STS: variants seen among roughly 807,000 people sequenced by gnomAD.
STS encodes steryl-sulfatase.
In STS, 7 loss-of-function variants were observed where a neutral mutation model predicts 26.8. That is an observed-to-expected ratio of 0.26 (90% CI 0.15 to 0.49). The LOEUF (loss-of-function observed/expected upper bound fraction) is 0.49, where lower values mean the gene tolerates loss of function less well. STS is among the 20% of genes least tolerant of loss of function. The probability of loss-of-function intolerance (pLI) is 0.98; values close to 1 mark genes in which losing one functional copy is unlikely to be tolerated. For missense variants in STS, 434 were observed against 465.6 expected (o/e 0.93, Z 0.63); for synonymous variants, 199 against 189.4 (o/e 1.05, Z -0.42).
intron 1 of STS, among the ~76,000 whole-genome samples, chrX:7,149,596 G>C (rs1369729250): frequency 4.5e-5 from 5 of 111,969 alleles, no homozygotes; most frequent in Non-Finnish European, 9.4e-5. Context: ...ACAGTCGTTC[G>C]TGGTTTCTGT....
chrX:7,278,544 G>A (rs1924649974), intron 7 of STS, among the ~76,000 whole-genome samples: 1 of 111,954 alleles, frequency 8.9e-6, no homozygotes, highest in African/African-American at 3.3e-5. Context: ...TTATGTAACT[G>A]TACACCAGTT....
intron 2 of STS, among the ~76,000 whole-genome samples, chrX:7,222,981 A>T (rs1309376767): frequency 8.9e-6 from 1 of 111,807 alleles, no homozygotes; most frequent in South Asian, 3.6e-4. Context: ...TTTAGCACCC[A>T]CTTATAAGTG....
chrX:7,173,753 G>A (rs1933513382), intron 1 of STS, among the ~76,000 whole-genome samples: 1 of 111,966 alleles, frequency 8.9e-6, no homozygotes, highest in Admixed American at 9.5e-5. Flanking sequence ...TGACAAATGT[G>A]CATTCATGTC....
intron 8 of STS, among the ~76,000 whole-genome samples, chrX:7,320,014 T>TTA (rs1320877104): frequency 1.1e-5 from 1 of 87,772 alleles, no homozygotes; most frequent in African/African-American, 4.2e-5. Flanking sequence ...ATATATATAT[T>TTA]TATATATATT....
intron 2 of STS, among the ~76,000 whole-genome samples, chrX:7,245,342 G>A (rs1332147522): frequency 1.3e-4 from 14 of 111,964 alleles, no homozygotes; most frequent in African/African-American, 4.6e-4. Context: ...AAAAAATAGT[G>A]CATGGCCCTG....
chrX:7,191,689 C>T (rs1232053177), intron 2 of STS, among the ~76,000 whole-genome samples: 1 of 110,584 alleles, frequency 9.0e-6, no homozygotes. Flanking sequence ...AACCAGGTCT[C>T]TCCCCGCAGG....
Position 7,354,077 on chromosome X carries a change from G to C in STS, c.*3816G>C, listed in dbSNP as rs1601773532. On this transcript the variant is annotated 3_prime_UTR_variant, in exon 11 of 11. Coordinates refer to ENST00000674429, the MANE Select transcript of STS (RefSeq NM_001320752.2). The stretch of plus-strand genomic sequence containing the variant: ...CTAGTTTTGGCAAGAAGTCTATTAG[G>C]TCAGTTTAGCAAGAACACCTAACCC... 9.0e-6 allele frequency: 1 copy of C among 111,107 alleles called. No individual in the cohort carries two copies. The highest frequency in any genetic ancestry group is 2.9e-4 in the East Asian group (1 of 3,507). 9.2% of individuals were successfully genotyped at this position (111,107 alleles called of 1,213,427 possible). A position where few individuals can be genotyped will look rare whatever the true frequency, so the allele number is the denominator to read the frequency against.
At chrX:7,273,830 A>T (rs1289786910) in intron 6 of STS, among the ~76,000 whole-genome samples, 4 of 111,067 alleles carry the variant, frequency 3.6e-5, no homozygotes, top group Non-Finnish European at 7.5e-5. Context: ...TCATTCTCTC[A>T]TTTGTTTGGC....
At chrX:7,325,244 G>C (rs1927364766) in intron 8 of STS, 95 bp from the exon 9 acceptor site, 1 of 933,429 alleles carries the variant, frequency 1.1e-6, no homozygotes, top group East Asian at 3.3e-5. Flanking sequence ...AGAGCAGTTG[G>C]TTCTTCTACA....
intron 6 of STS, among the ~76,000 whole-genome samples, chrX:7,271,928 C>T (rs1924292142): frequency 9.1e-6 from 1 of 109,966 alleles, no homozygotes; most frequent in African/African-American, 3.3e-5. Flanking sequence ...AGCTCTAACC[C>T]AAAGTGTGCT....
In STS at chrX:7,199,644, A is replaced by G. The variant is rs112698389; in HGVS notation, c.-5+8636A>G. On this transcript the variant is annotated intron_variant, in intron 2 of 10. Transcript: ENST00000674429. The stretch of plus-strand genomic sequence containing the variant: ...TTTCACACCTGATGAATGGAGAGCC[A>G]GTTGATATTAGTCATCTGTCAACTT... 3.8e-3 allele frequency among the ~76,000 whole-genome samples: 429 copies of G among 111,551 alleles called. 2 individuals carry two copies. Among genetic ancestry groups the G allele is most frequent in the African/African-American group, 0.013 (413 of 30,758 alleles).
At chrX:7,267,817 G>C (rs1051814169) in intron 6 of STS, among the ~76,000 whole-genome samples, 2 of 111,866 alleles carry the variant, frequency 1.8e-5, no homozygotes, top group Non-Finnish European at 3.8e-5. Flanking sequence ...TTAAATATAT[G>C]TATGTATATT....
At chrX:7,315,121 G>T (rs1389443114) in intron 8 of STS, among the ~76,000 whole-genome samples, 2 of 111,962 alleles carry the variant, frequency 1.8e-5, no homozygotes, top group Non-Finnish European at 3.8e-5. Context: ...ACGCTTCATT[G>T]ATTAATTCAT....
chrX:7,348,788 T>C (rs1241275461), intron 10 of STS, among the ~76,000 whole-genome samples: 8 of 111,786 alleles, frequency 7.2e-5, no homozygotes, highest in African/African-American at 2.3e-4. Flanking sequence ...CTTTTAAAGG[T>C]ATACGTTGCA....
intron 9 of STS, among the ~76,000 whole-genome samples, chrX:7,325,726 G>C (rs1490488729): frequency 3.6e-5 from 4 of 112,458 alleles, no homozygotes; most frequent in African/African-American, 1.3e-4. Flanking sequence ...AGGGGAAATT[G>C]TTCATTTTTT....
At chrX:7,202,042 T>C (rs1199119614) in intron 2 of STS, among the ~76,000 whole-genome samples, 1 of 111,677 alleles carries the variant, frequency 9.0e-6, no homozygotes, top group Admixed American at 9.5e-5. Flanking sequence ...TGTGGCCAGC[T>C]ACAGAAATGA....
chrX:7,297,910 T>TCTGCC (rs1378012800), intron 7 of STS, among the ~76,000 whole-genome samples: 1 of 111,299 alleles, frequency 9.0e-6, no homozygotes, highest in Non-Finnish European at 1.9e-5. Context: ...TGCCTCCCAG[T>TCTGCC]TCCTTAGTTC....
chrX:7,277,785 A>G (rs774654033), intron 7 of STS, among the ~76,000 whole-genome samples: 1 of 112,572 alleles, frequency 8.9e-6, no homozygotes, highest in South Asian at 3.6e-4. Context: ...ACATATACCA[A>G]TACAAGCCTG....
intron 2 of STS, among the ~76,000 whole-genome samples, chrX:7,196,617 G>T (rs1450904558): frequency 3.6e-5 from 4 of 111,791 alleles, no homozygotes; most frequent in African/African-American, 1.3e-4. Context: ...ACAACTATCA[G>T]TGACCACCAC....
Sources: allele counts gnomAD v4.1 joint callset (sites outside exome capture counted in the v4.1 genomes callset), GRCh38; gene constraint gnomAD v4.1.1; transcripts MANE v1.5; gene names NCBI Gene and HGNC (gene_info 2026-07-23, HGNC 2026-07-21).